The following GPC3 variants were observed in gnomAD, a reference collection of about 807,000 sequenced individuals.
GPC3 encodes the protein glypican-3.
Under a neutral mutation model 34.4 loss-of-function variants are expected in GPC3, and 3 were observed. That is an observed-to-expected ratio of 0.09 (90% CI 0.04 to 0.23). GPC3 has a LOEUF of 0.23. Among genes scored for constraint, GPC3 ranks in the 10% least tolerant of loss-of-function variants. The pLI is 1.00. For synonymous variants in GPC3, 177 were observed against 174.0 expected (o/e 1.02, Z -0.13); for missense variants, 351 against 445.6 (o/e 0.79, Z 1.91).
At chrX:133,590,283 A>G (rs2069834894) in intron 7 of GPC3, among the ~76,000 whole-genome samples, 2 of 111,637 alleles carry the variant, frequency 1.8e-5, no homozygotes, top group African/African-American at 6.5e-5. Flanking sequence ...ACTAGAATGT[A>G]TAAATTGTTC....
chrX:133,770,113 C>T (rs994177907), intron 2 of GPC3, among the ~76,000 whole-genome samples: 1 of 111,901 alleles, frequency 8.9e-6, no homozygotes, highest in African/African-American at 3.3e-5. Flanking sequence ...TCTGTCTCTA[C>T]AAAACATCAA....
rs765951806 is a variant in GPC3, at chrX:133,867,069, A to G, written c.337+85981T>C. Among the ~76,000 whole-genome samples the G allele has an allele frequency of 4.5e-5, 5 of 110,462 alleles. No individual in the cohort carries two copies. In the East Asian group the frequency reaches 1.4e-3, roughly 32 times the overall value. On this transcript the variant is annotated intron_variant, in intron 2 of 7. Coordinates refer to ENST00000370818, the MANE Select transcript of GPC3 (RefSeq NM_004484.4). The stretch of plus-strand genomic sequence containing the variant: ...AAAAATTAGCTGGGCATGGTGGTGC[A>G]CGCCTGTAATCCCAGCTACTTGGGA...
chrX:133,727,537 C>T (rs371301825), intron 3 of GPC3, among the ~76,000 whole-genome samples: 10 of 107,008 alleles, frequency 9.3e-5, no homozygotes, highest in South Asian at 4.0e-4. Context: ...GCAAAAAGAA[C>T]GAAACACTGT....
At chrX:133,906,081 A>C (rs1167150760) in intron 2 of GPC3, among the ~76,000 whole-genome samples, 1 of 112,176 alleles carries the variant, frequency 8.9e-6, no homozygotes, top group Non-Finnish European at 1.9e-5. Context: ...ATTCTTAATG[A>C]AACCAGATCT....
intron 3 of GPC3, among the ~76,000 whole-genome samples, chrX:133,716,474 AC>A (rs745757920): frequency 2.3e-3 from 262 of 112,408 alleles, no homozygotes; most frequent in African/African-American, 7.7e-3. Flanking sequence ...GATAGAAATT[AC>A]TTTTTTTTAA....
intron 3 of GPC3, among the ~76,000 whole-genome samples, chrX:133,749,094 C>CA (rs1469515499): frequency 5.4e-5 from 6 of 110,422 alleles, no homozygotes; most frequent in Middle Eastern, 4.7e-3. Flanking sequence ...CCCGTCTCTA[C>CA]AAAAAAAATA....
At chrX:133,860,560 C>A (rs184075661) in intron 2 of GPC3, among the ~76,000 whole-genome samples, 10 of 111,908 alleles carry the variant, frequency 8.9e-5, no homozygotes, top group African/African-American at 3.2e-4. Flanking sequence ...ATCCTAATAA[C>A]ATTTCTATGA....
At chrX:133,913,565 T>C (rs1035139952) in intron 2 of GPC3, among the ~76,000 whole-genome samples, 15 of 112,241 alleles carry the variant, frequency 1.3e-4, no homozygotes, top group African/African-American at 4.5e-4. Context: ...GAACAGACTT[T>C]AGCTGTAAAG....
intron 6 of GPC3, among the ~76,000 whole-genome samples, chrX:133,617,726 G>T (rs1432302091): frequency 9.0e-6 from 1 of 111,699 alleles, no homozygotes; most frequent in Non-Finnish European, 1.9e-5. Flanking sequence ...ACAGAGTAAA[G>T]ATACTATAAT....
chrX:133,710,618 C>T lies in GPC3; in HGVS notation c.1033-10590G>A, dbSNP rs770170987. The stretch of plus-strand genomic sequence containing the variant: ...AGTCTGGCAGTCACACAATTGGGTC[C>T]GGTCTGCTCTGGAATATCTGGAATA... On this transcript the variant is annotated intron_variant, in intron 3 of 7. Transcript: ENST00000370818. Among the ~76,000 whole-genome samples, 160 of 111,681 alleles carry T rather than the reference C, an allele frequency of 1.4e-3. 1 individual carries two copies. The highest frequency in any genetic ancestry group is 4.4e-3 in the Admixed American group (46 of 10,514).
In GPC3 at chrX:133,953,138, T is replaced by C. The variant is rs755510528; in HGVS notation, c.249A>G (p.Leu83=). ...CSRKMEEKYQ[L]TARLNMEQLL... ...GCTGTTCCATGTTCAATCGTGCTGT[T>C]AGTTGGTATTTTTCTTCCATCTTTC... Residue 83 remains leucine, a synonymous_variant, in exon 2 of 8, where the codon CTA becomes CTG. Transcript: ENST00000370818. 10 of 1,206,069 alleles carry C rather than the reference T, an allele frequency of 8.3e-6. No individual in the cohort carries two copies. Among genetic ancestry groups the C allele is most frequent in the Non-Finnish European group, 1.1e-5 (10 of 890,569 alleles).
intron 1 of GPC3, among the ~76,000 whole-genome samples, chrX:133,964,896 C>A (rs2076456350): frequency 9.0e-6 from 1 of 111,266 alleles, no homozygotes; most frequent in Non-Finnish European, 1.9e-5. Flanking sequence ...CCACCCACAT[C>A]CCCCTCAGGA....
At chrX:133,567,100 A>G (rs2069588456) in intron 7 of GPC3, among the ~76,000 whole-genome samples, 1 of 111,929 alleles carries the variant, frequency 8.9e-6, no homozygotes, top group Non-Finnish European at 1.9e-5. Context: ...GCCAGGAGGA[A>G]GCTCTAAAAA....
chrX:133,704,141 C>A (rs1207484391), intron 3 of GPC3: 1 of 663,221 alleles, frequency 1.5e-6, no homozygotes, highest in Non-Finnish European at 2.1e-6. Context: ...GGCCTACCAC[C>A]CCACTTCCAC....
At chrX:133,601,647 GA>G (rs1464432562) in intron 6 of GPC3, among the ~76,000 whole-genome samples, 1 of 111,713 alleles carries the variant, frequency 9.0e-6, no homozygotes, top group African/African-American at 3.2e-5. Context: ...TAATCATCAG[GA>G]ACATTCACAT....
At position 133,919,666 on chromosome X, in the gene GPC3, T is replaced by A. The variant is rs372642057; in HGVS notation, c.337+33384A>T. Reference sequence around the variant, plus strand: ...GGGAGATCCCATCTCTGTGAAAATTTAAAAAAAATATTAGCCAAGCATAGG... The same window carrying A: ...GGGAGATCCCATCTCTGTGAAAATTAAAAAAAAATATTAGCCAAGCATAGG... On this transcript the variant is annotated intron_variant, in intron 2 of 7. Coordinates refer to ENST00000370818, the MANE Select transcript of GPC3 (RefSeq NM_004484.4). Among the ~76,000 whole-genome samples, 12 of 108,632 alleles carry A rather than the reference T, an allele frequency of 1.1e-4. No individual in the cohort carries two copies. In the East Asian group the frequency reaches 1.8e-3, roughly 16 times the overall value. 94.3% of individuals were successfully genotyped at this position (108,632 alleles called of 115,157 possible). A position where few individuals can be genotyped will look rare whatever the true frequency, so the allele number is the denominator to read the frequency against.
chrX:133,601,289 A>C (rs905223612), intron 6 of GPC3, among the ~76,000 whole-genome samples: 2 of 112,369 alleles, frequency 1.8e-5, no homozygotes, highest in African/African-American at 6.5e-5. Context: ...TTTAATAAAC[A>C]ATGTTTGTGT....
chrX:133,628,427 G>A (rs748425221), intron 6 of GPC3, among the ~76,000 whole-genome samples: 56 of 111,487 alleles, frequency 5.0e-4, no homozygotes, highest in Non-Finnish European at 9.6e-4. Context: ...AGGCTGAGGC[G>A]GGCAGATCAC....
chrX:133,604,013 G>A, intron 6 of GPC3, among the ~76,000 whole-genome samples: 1 of 111,356 alleles, frequency 9.0e-6, no homozygotes, highest in Non-Finnish European at 1.9e-5. Flanking sequence ...TGATTGCAAA[G>A]ATATGAAGCT....
Sources: gnomAD v4.1 joint callset for allele counts (sites outside exome capture counted in the v4.1 genomes callset) on GRCh38, gnomAD v4.1.1 for gene constraint, MANE v1.5 for transcripts, NCBI Gene and HGNC (gene_info 2026-07-23, HGNC 2026-07-21) for gene names.